The following TNFAIP8 variants were observed in gnomAD, a reference collection of about 807,000 sequenced individuals.
TNFAIP8 encodes TNF alpha induced protein 8.
A neutral mutation model predicts 13.3 loss-of-function variants in TNFAIP8; 7 were observed. The observed-to-expected ratio is 0.52, with a 90% confidence interval of 0.30 to 0.99. The LOEUF (loss-of-function observed/expected upper bound fraction) is 0.99. Among genes scored for constraint, TNFAIP8 ranks in the 50% least tolerant of loss-of-function variants. TNFAIP8 has a pLI of 0.07. For synonymous variants in TNFAIP8, 94 were observed against 87.6 expected (o/e 1.07, Z -0.41); for missense variants, 258 against 236.9 (o/e 1.09, Z -0.58).
chr5:119,285,181 G>C (rs1295957221), intron 1 of TNFAIP8, among the ~76,000 whole-genome samples: 1 of 152,184 alleles, frequency 6.6e-6, no homozygotes, highest in Non-Finnish European at 1.5e-5. Context: ...CAGGCGAGCA[G>C]ACTGGGTATA....
intron 1 of TNFAIP8, among the ~76,000 whole-genome samples, chr5:119,290,465 T>C (rs6891989): frequency 0.52 from 78,638 of 152,050 alleles, 22,235 homozygotes; most frequent in East Asian, 0.86. Context: ...CACAGGTTTA[T>C]TGGAGTGTCC....
At chr5:119,329,374 G>A (rs959217006) in intron 1 of TNFAIP8, among the ~76,000 whole-genome samples, 1 of 152,184 alleles carries the variant, frequency 6.6e-6, no homozygotes, top group Non-Finnish European at 1.5e-5. Context: ...GGCAGGCAAC[G>A]TGAATGGCAG....
chr5:119,360,281 C>G (rs941177714), intron 1 of TNFAIP8, among the ~76,000 whole-genome samples: 1 of 152,176 alleles, frequency 6.6e-6, no homozygotes, highest in Non-Finnish European at 1.5e-5. Flanking sequence ...GATTGCATTT[C>G]AGAACACTGC....
At chr5:119,354,551 T>C (rs1048481803), upstream of TNFAIP8, 2 of 152,246 alleles carry the variant, frequency 1.3e-5, no homozygotes, top group Non-Finnish European at 2.9e-5. Flanking sequence ...GAGTATGTTT[T>C]ATAAAAATTT....
chr5:119,329,591 G>A (rs1443687029), intron 1 of TNFAIP8, among the ~76,000 whole-genome samples: 1 of 152,176 alleles, frequency 6.6e-6, no homozygotes, highest in Non-Finnish European at 1.5e-5. Context: ...GATATGATAT[G>A]AAGAGAAAAA....
intron 1 of TNFAIP8, among the ~76,000 whole-genome samples, chr5:119,287,358 A>G (rs189804655): frequency 2.7e-4 from 37 of 138,048 alleles, no homozygotes; most frequent in African/African-American, 9.9e-4. Flanking sequence ...GTATATATTC[A>G]AGGGGTAGAA....
intron 1 of TNFAIP8, among the ~76,000 whole-genome samples, chr5:119,324,921 C>T (rs1750175534): frequency 6.6e-6 from 1 of 152,018 alleles, no homozygotes; most frequent in African/African-American, 2.4e-5. Context: ...TATTAATACT[C>T]TGCAAGATCG....
chr5:119,338,136 C>T (rs567634677), intron 1 of TNFAIP8, among the ~76,000 whole-genome samples: 42 of 149,524 alleles, frequency 2.8e-4, no homozygotes, highest in African/African-American at 9.3e-4. Context: ...ATTCCTGGCT[C>T]CTTATTCCAG....
At chr5:119,354,239 G>T (rs1406914243), upstream of TNFAIP8, 1 of 152,252 alleles carries the variant, frequency 6.6e-6, no homozygotes, top group Non-Finnish European at 1.5e-5. Context: ...ACTTTCGGAA[G>T]GGTGCAGTCT....
At chr5:119,377,105 A>G (rs1253508008) in intron 1 of TNFAIP8, among the ~76,000 whole-genome samples, 2 of 152,194 alleles carry the variant, frequency 1.3e-5, no homozygotes, top group Non-Finnish European at 2.9e-5. Flanking sequence ...TTAATAAAAT[A>G]AAAGTGTATT....
intron 1 of TNFAIP8, among the ~76,000 whole-genome samples, chr5:119,387,331 C>G (rs1254263766): frequency 2.6e-5 from 4 of 152,132 alleles, no homozygotes; most frequent in African/African-American, 9.7e-5. Context: ...CAGACAACAG[C>G]CAGACATGCT....
At chr5:119,365,090 G>C (rs573036958) in intron 1 of TNFAIP8, among the ~76,000 whole-genome samples, 1 of 151,802 alleles carries the variant, frequency 6.6e-6, no homozygotes, top group South Asian at 2.1e-4. Context: ...GACCTCAGGT[G>C]ATCCTCCTGC....
chr5:119,382,618 G>T (rs1381910418), intron 1 of TNFAIP8, among the ~76,000 whole-genome samples: 1 of 152,182 alleles, frequency 6.6e-6, no homozygotes, highest in Non-Finnish European at 1.5e-5. Flanking sequence ...ATTTGGTGCT[G>T]TTCTAAGCAC....
chr5:119,354,093 A>G (rs1751289051), upstream of TNFAIP8, among the ~76,000 whole-genome samples: 1 of 152,150 alleles, frequency 6.6e-6, no homozygotes, highest in Admixed American at 6.5e-5. Flanking sequence ...CTGGTGAGGG[A>G]GCATTTCTTT....
At chr5:119,274,020 C>G (rs1005478106) in intron 1 of TNFAIP8, among the ~76,000 whole-genome samples, 6 of 152,108 alleles carry the variant, frequency 3.9e-5, no homozygotes, top group African/African-American at 1.4e-4. Flanking sequence ...ATTTGTTTAA[C>G]AAAATGAGGT....
At chr5:119,380,423 G>A (rs1163991043) in intron 1 of TNFAIP8, among the ~76,000 whole-genome samples, 4 of 152,222 alleles carry the variant, frequency 2.6e-5, no homozygotes, top group African/African-American at 9.7e-5. Flanking sequence ...TTCATCAAGA[G>A]TCAGGGCCTC....
At chr5:119,331,377 T>A (rs72786144) in intron 1 of TNFAIP8, among the ~76,000 whole-genome samples, 12,851 of 152,212 alleles carry the variant, frequency 0.084, 607 homozygotes, top group African/African-American at 0.12. Context: ...AGCAGGATGC[T>A]AACTGCTGGG....
intron 1 of TNFAIP8, among the ~76,000 whole-genome samples, chr5:119,296,880 T>C (rs1338283538): frequency 1.3e-5 from 2 of 152,146 alleles, no homozygotes; most frequent in African/African-American, 4.8e-5. Flanking sequence ...GAGGAATTTA[T>C]CCATTTCTTC....
upstream of TNFAIP8, chr5:119,355,427 G>T (rs1241888346): frequency 1.4e-6 from 1 of 699,230 alleles, no homozygotes; most frequent in Non-Finnish European, 2.6e-6. Context: ...TCTTCAAAAG[G>T]CCCCGCTCTG....
Sources: allele counts gnomAD v4.1 joint callset (sites outside exome capture counted in the v4.1 genomes callset), GRCh38; gene constraint gnomAD v4.1.1; transcripts MANE v1.5; gene names NCBI Gene and HGNC (gene_info 2026-07-23, HGNC 2026-07-21).